GPM6B: variants seen among roughly 807,000 people sequenced by gnomAD.
GPM6B encodes neuronal membrane glycoprotein M6-b.
A neutral mutation model predicts 27.2 loss-of-function variants in GPM6B; 4 were observed. The observed-to-expected ratio is 0.15, with a 90% confidence interval of 0.07 to 0.34. The LOEUF is 0.34. Ranked by LOEUF, GPM6B falls within the 10% of genes least tolerant of loss-of-function variation. The pLI, the probability that GPM6B is intolerant of heterozygous loss-of-function variation, is 1.00. For synonymous variants in GPM6B, 124 were observed against 103.1 expected (o/e 1.20, Z -1.23); for missense variants, 183 against 261.9 (o/e 0.70, Z 2.08).
At chrX:13,905,474 T>A (rs6633412) in intron 1 of GPM6B, among the ~76,000 whole-genome samples, 2 of 110,940 alleles carry the variant, frequency 1.8e-5, no homozygotes, top group Non-Finnish European at 3.8e-5. Context: ...CCTTGTAAAA[T>A]GCCAAACTCG....
intron 1 of GPM6B, among the ~76,000 whole-genome samples, chrX:13,931,779 G>A (rs1220031852): frequency 4.5e-5 from 5 of 111,797 alleles, no homozygotes; most frequent in South Asian, 3.7e-4. Flanking sequence ...TGACCAAATC[G>A]TATTTCCTAC....
At chrX:13,786,295 G>A (rs1310832602) in intron 2 of GPM6B, among the ~76,000 whole-genome samples, 3 of 112,141 alleles carry the variant, frequency 2.7e-5, no homozygotes, top group Non-Finnish European at 3.8e-5. Context: ...GGCAACCAAC[G>A]GCTTTCCCCA....
chrX:13,905,469 T>TA (rs2050321789), intron 1 of GPM6B, among the ~76,000 whole-genome samples: 1 of 111,068 alleles, frequency 9.0e-6, no homozygotes, highest in Non-Finnish European at 1.9e-5. Context: ...AGCTACCTTG[T>TA]AAAATGCCAA....
upstream of GPM6B, among the ~76,000 whole-genome samples, chrX:13,819,870 A>T (rs899032840): frequency 8.9e-6 from 1 of 112,075 alleles, no homozygotes; most frequent in Non-Finnish European, 1.9e-5. Flanking sequence ...TGGCTATTGC[A>T]GTAATGCTTA....
intron 1 of GPM6B, among the ~76,000 whole-genome samples, chrX:13,836,994 G>A (rs1361919074): frequency 8.9e-6 from 1 of 112,423 alleles, no homozygotes; most frequent in African/African-American, 3.2e-5. Flanking sequence ...GAACACAGGA[G>A]TAAGCATCCA....
chrX:13,931,303 ATG>A (rs1921518119), intron 1 of GPM6B, among the ~76,000 whole-genome samples: 2 of 110,734 alleles, frequency 1.8e-5, no homozygotes, highest in Non-Finnish European at 3.8e-5. Context: ...TCAGGCTATC[ATG>A]GTGAAACCCC....
At chrX:13,898,564 T>A (rs2050253280) in intron 1 of GPM6B, among the ~76,000 whole-genome samples, 1 of 112,366 alleles carries the variant, frequency 8.9e-6, no homozygotes, top group Admixed American at 9.4e-5. Context: ...CACATTAAAG[T>A]GTGAGCAGCA....
At position 13,785,837 on chromosome X, in the gene GPM6B, G is replaced by A. The variant is rs749795697; in HGVS notation, c.182-29C>T. ...AACCCAAAGGAGAGAAAATATAGCC[G>A]TTACGGGCAAGAACACCTCTGGTCT... On this transcript the variant is annotated intron_variant, in intron 2 of 7. Transcript: ENST00000316715. 3.6e-5 allele frequency: 41 copies of A among 1,139,531 alleles called. No individual in the cohort carries two copies. The Middle Eastern group carries it at 7.4e-4, about 21-fold the overall frequency. 93.9% of individuals were successfully genotyped at this position (1,139,531 alleles called of 1,213,427 possible).
intron 1 of GPM6B, among the ~76,000 whole-genome samples, chrX:13,840,069 C>T (rs758025659): frequency 1.8e-5 from 2 of 112,118 alleles, no homozygotes; most frequent in Non-Finnish European, 3.8e-5. Context: ...TTAGATACAA[C>T]ACCAAAAGTA....
At chrX:13,852,488 G>GCC (rs2049729299) in intron 1 of GPM6B, among the ~76,000 whole-genome samples, 1 of 110,983 alleles carries the variant, frequency 9.0e-6, no homozygotes, top group African/African-American at 3.3e-5. Flanking sequence ...TGTCTAACTT[G>GCC]CCCCCTACAG....
intron 2 of GPM6B, among the ~76,000 whole-genome samples, chrX:13,789,183 G>A (rs1186282654): frequency 1.8e-5 from 2 of 111,579 alleles, no homozygotes; most frequent in African/African-American, 6.5e-5. Context: ...TTATCTTCAG[G>A]GTTAAGATTG....
At chrX:13,866,115 G>A (rs2147258718) in intron 1 of GPM6B, among the ~76,000 whole-genome samples, 1 of 112,153 alleles carries the variant, frequency 8.9e-6, no homozygotes, top group South Asian at 3.7e-4. Context: ...TGTAATCCCA[G>A]CACTTTGAGA....
intron 1 of GPM6B, among the ~76,000 whole-genome samples, chrX:13,885,627 G>T (rs2147020725): frequency 8.9e-6 from 1 of 111,779 alleles, no homozygotes; most frequent in East Asian, 2.8e-4. Flanking sequence ...AGTGATGGCA[G>T]GGAGGTGCCA....
chrX:13,813,273 TA>T (rs1171051077), intron 1 of GPM6B, among the ~76,000 whole-genome samples: 1,938 of 105,663 alleles, frequency 0.018, 33 homozygotes, highest in African/African-American at 0.059. Flanking sequence ...TTTGCTAAAT[TA>T]AAAAAAAAAA....
At chrX:13,833,125 A>G (rs1340204115) in intron 1 of GPM6B, among the ~76,000 whole-genome samples, 1 of 111,293 alleles carries the variant, frequency 9.0e-6, no homozygotes, top group African/African-American at 3.3e-5. Context: ...AGCATTCCCT[A>G]AAAATCTGTG....
At chrX:13,904,378 A>G (rs1054578867) in intron 1 of GPM6B, among the ~76,000 whole-genome samples, 19 of 111,802 alleles carry the variant, frequency 1.7e-4, no homozygotes, top group Non-Finnish European at 3.4e-4. Context: ...TGTATTCGTA[A>G]GAGAACAAAC....
chrX:13,925,987 G>A (rs1032394820), intron 1 of GPM6B, among the ~76,000 whole-genome samples: 4 of 106,515 alleles, frequency 3.8e-5, no homozygotes, highest in African/African-American at 3.5e-5. Context: ...CCCAGGAGGC[G>A]GAGTTTGCAG....
rs1054799357 is a variant in GPM6B at position 13,777,511 on chromosome X, C to G, written c.698-86G>C. 3.7e-5 allele frequency: 22 copies of G among 594,568 alleles called. No individual in the cohort carries two copies. The African/African-American group carries it at 4.9e-4, about 13-fold the overall frequency. The allele number at this position is 594,568 out of a possible 1,213,427, so 49.0% of individuals were successfully genotyped here. ...ACCCCACCACTTCGGATGCCAGTTA[C>G]AGTGTAATTGTAGGCTATGTTCTTC... On this transcript the variant is annotated intron_variant, in intron 5 of 7. Transcript: ENST00000316715.
intron 2 of GPM6B, among the ~76,000 whole-genome samples, chrX:13,801,377 GAGA>G (rs2048918244): frequency 8.9e-6 from 1 of 112,140 alleles, no homozygotes; most frequent in Non-Finnish European, 1.9e-5. Context: ...ATGTTTGATG[GAGA>G]AGATTTTAGG....
Sources: gnomAD v4.1 joint callset for allele counts (sites outside exome capture counted in the v4.1 genomes callset) on GRCh38, gnomAD v4.1.1 for gene constraint, MANE v1.5 for transcripts, NCBI Gene and HGNC (gene_info 2026-07-23, HGNC 2026-07-21) for gene names.